The following KATNAL2 variants were observed in gnomAD, a reference collection of about 807,000 sequenced individuals.
KATNAL2 encodes katanin p60 ATPase-containing subunit A-like 2.
In KATNAL2, 52 loss-of-function variants were observed where a neutral mutation model predicts 76.3. The ratio of observed to expected loss-of-function variants is 0.68; its 90% CI spans 0.55 to 0.86. The LOEUF (loss-of-function observed/expected upper bound fraction) is 0.86. KATNAL2 is among the 40% of genes least tolerant of loss of function. The pLI, the probability that KATNAL2 is intolerant of heterozygous loss-of-function variation, is 0.00. For missense variants in KATNAL2, 660 were observed against 668.9 expected (o/e 0.99, Z 0.15); for synonymous variants, 243 against 244.2 (o/e 1.00, Z 0.05).
intron 3 of KATNAL2, among the ~76,000 whole-genome samples, chr18:46,951,461 C>A (rs1420277449): frequency 7.0e-6 from 1 of 143,814 alleles, no homozygotes; most frequent in Non-Finnish European, 1.5e-5. Context: ...CTCTGAGATT[C>A]TCCTGCTGTG....
chr18:47,072,867 A>C (rs1460181901), intron 13 of KATNAL2, among the ~76,000 whole-genome samples: 1 of 152,260 alleles, frequency 6.6e-6, no homozygotes. Flanking sequence ...ATGTTCTTTC[A>C]TATGTCTATA....
At chr18:47,048,654 A>G (rs2061239052) in intron 4 of KATNAL2, among the ~76,000 whole-genome samples, 1 of 152,094 alleles carries the variant, frequency 6.6e-6, no homozygotes. Context: ...GACAAGCCAG[A>G]CAGTCTGCAT....
At chr18:46,947,265 T>TA in intron 3 of KATNAL2, among the ~76,000 whole-genome samples, 1 of 152,270 alleles carries the variant, frequency 6.6e-6, no homozygotes, top group African/African-American at 2.4e-5. Context: ...GTGGTCAAAA[T>TA]TAGATTGTTG....
intron 15 of KATNAL2, chr18:47,084,353 T>C (rs1478206361): frequency 1.4e-6 from 1 of 702,884 alleles, no homozygotes; most frequent in Non-Finnish European, 2.6e-6. Flanking sequence ...ATTTTTGGGC[T>C]CCAGGAAGAA....
At chr18:47,050,553 A>G (rs996247973) in intron 4 of KATNAL2, among the ~76,000 whole-genome samples, 1 of 152,256 alleles carries the variant, frequency 6.6e-6, no homozygotes, top group Non-Finnish European at 1.5e-5. Flanking sequence ...CTTACAAAGC[A>G]TGCATTTTTC....
intron 6 of KATNAL2, among the ~76,000 whole-genome samples, chr18:47,057,662 A>G (rs970180188): frequency 2.0e-5 from 3 of 152,218 alleles, no homozygotes; most frequent in Non-Finnish European, 4.4e-5. Context: ...GGCAAATATG[A>G]TTGGTCTGGG....
At chr18:47,060,059 C>T (rs1248023068) in intron 8 of KATNAL2, among the ~76,000 whole-genome samples, 2 of 149,828 alleles carry the variant, frequency 1.3e-5, no homozygotes, top group African/African-American at 4.9e-5. Flanking sequence ...TATAATGGTG[C>T]AATCATGGCT....
intron 1 of KATNAL2, among the ~76,000 whole-genome samples, chr18:46,944,856 G>T (rs1293906207): frequency 6.6e-6 from 1 of 152,242 alleles, no homozygotes; most frequent in Non-Finnish European, 1.5e-5. Flanking sequence ...GAATCCGGGA[G>T]GCGGAGGTTG....
chr18:46,946,956 C>G (rs2059398519), intron 3 of KATNAL2, 33 bp downstream of exon 3: 8 of 1,322,144 alleles, frequency 6.1e-6, no homozygotes, highest in Middle Eastern at 3.6e-4. Flanking sequence ...ATGATTATAC[C>G]AAGAACCCCT....
intron 15 of KATNAL2, among the ~76,000 whole-genome samples, chr18:47,080,977 T>C (rs1428482808): frequency 1.3e-5 from 2 of 151,672 alleles, no homozygotes; most frequent in Non-Finnish European, 1.5e-5. Context: ...TCTGTAGCCC[T>C]TCCTTCCTTC....
chr18:47,033,525 C>T (rs1271516934), intron 3 of KATNAL2: 4 of 1,614,074 alleles, frequency 2.5e-6, no homozygotes, highest in African/African-American at 2.7e-5. Context: ...ATTCGTCTGT[C>T]TCTCTAACGA....
At chr18:47,062,153 G>A (rs1018546772) in intron 8 of KATNAL2, among the ~76,000 whole-genome samples, 4 of 152,128 alleles carry the variant, frequency 2.6e-5, no homozygotes, top group Non-Finnish European at 5.9e-5. Context: ...GCTAAGGTGG[G>A]AGTATAACTC....
At chr18:47,091,151 G>C (rs966622709) in intron 15 of KATNAL2, 1 of 152,232 alleles carries the variant, frequency 6.6e-6, no homozygotes, top group Non-Finnish European at 1.5e-5. Flanking sequence ...AGTGGAGACA[G>C]GACGAGGGAC....
At chr18:47,070,913 A>G (rs1288941662) in intron 13 of KATNAL2, among the ~76,000 whole-genome samples, 1 of 152,172 alleles carries the variant, frequency 6.6e-6, no homozygotes, top group African/African-American at 2.4e-5. Context: ...CCAGTTCCGA[A>G]GATGGGGCTT....
At chr18:47,035,438 G>A in intron 3 of KATNAL2, 1 of 1,380,610 alleles carries the variant, frequency 7.2e-7, no homozygotes, top group South Asian at 1.5e-5. Context: ...AGGCCACTTG[G>A]TCTGGAACGG....
Position 46,945,898 on chromosome 18 carries a change from GAA to G in KATNAL2, c.-509-157_-509-156del, listed in dbSNP as rs1033827172. On this transcript the variant is annotated intron_variant, in intron 1 of 17. Coordinates refer to ENST00000683218, the MANE Select transcript of KATNAL2 (RefSeq NM_001387690.1). Reference sequence around the variant, plus strand: ...AATTAGGAAGTTATTGACGACTCTGGAAAGAACTGCTTCAAAGGAGCAGGACC... The same window carrying G: ...AATTAGGAAGTTATTGACGACTCTGGAGAACTGCTTCAAAGGAGCAGGACC... 1.4e-4 allele frequency among the ~76,000 whole-genome samples: 22 copies of G among 152,298 alleles called. 1 individual carries two copies. The highest frequency in any genetic ancestry group is 3.3e-4 in the Admixed American group (5 of 15,296).
intron 3 of KATNAL2, among the ~76,000 whole-genome samples, chr18:46,952,076 G>C (rs978642254): frequency 1.2e-4 from 18 of 151,802 alleles, no homozygotes; most frequent in African/African-American, 3.9e-4. Flanking sequence ...CTAGGCCCCA[G>C]TTTCTTTCTT....
intron 3 of KATNAL2, among the ~76,000 whole-genome samples, chr18:46,958,984 T>C (rs1352122750): frequency 2.0e-5 from 3 of 152,234 alleles, no homozygotes; most frequent in Non-Finnish European, 4.4e-5. Flanking sequence ...TCGACTGTGT[T>C]AGCTAATTAA....
At chr18:47,040,234 C>T (rs1225347502) in intron 3 of KATNAL2, among the ~76,000 whole-genome samples, 1 of 152,230 alleles carries the variant, frequency 6.6e-6, no homozygotes, top group Non-Finnish European at 1.5e-5. Context: ...TTGTAAAAGA[C>T]ATCATTCATT....
Sources: allele counts gnomAD v4.1 joint callset (sites outside exome capture counted in the v4.1 genomes callset), GRCh38; gene constraint gnomAD v4.1.1; transcripts MANE v1.5; gene names NCBI Gene and HGNC (gene_info 2026-07-23, HGNC 2026-07-21).